Variants in PRLR observed in about 807,000 individuals in gnomAD.
PRLR encodes hPRL receptor.
A neutral mutation model predicts 40.2 loss-of-function variants in PRLR; 13 were observed. That is an observed-to-expected ratio of 0.32 (90% CI 0.21 to 0.51). The LOEUF is 0.51. PRLR is among the 20% of genes least tolerant of loss of function. The probability of loss-of-function intolerance (pLI) is 0.97; values close to 1 mark genes in which losing one functional copy is unlikely to be tolerated. For missense variants in PRLR, 656 were observed against 747.3 expected, an observed-to-expected ratio of 0.88 and a Z score of 1.42; for synonymous variants, 269 against 278.7, an observed-to-expected ratio of 0.97 and a Z score of 0.35.
At chr5:35,051,724 GAGA>G (rs1037059391), downstream of PRLR, among the ~76,000 whole-genome samples, 3 of 152,172 alleles carry the variant, frequency 2.0e-5, no homozygotes, top group East Asian at 1.9e-4. Flanking sequence ...TGCATCAAAT[GAGA>G]AGGAGAGAAC....
At chr5:35,185,151 T>C (rs1384530466) in intron 1 of PRLR, among the ~76,000 whole-genome samples, 1 of 152,254 alleles carries the variant, frequency 6.6e-6, no homozygotes, top group Admixed American at 6.5e-5. Flanking sequence ...TTGGCCCTTC[T>C]CTTCATTTCT....
intron 5 of PRLR, among the ~76,000 whole-genome samples, chr5:35,083,524 C>CTTCT (rs771209508): frequency 5.9e-5 from 8 of 136,436 alleles, no homozygotes; most frequent in African/African-American, 2.2e-4. Context: ...CTTTTCTTTT[C>CTTCT]TTTTTTTTTT....
At chr5:35,210,056 C>T (rs912859477) in intron 1 of PRLR, among the ~76,000 whole-genome samples, 1 of 152,176 alleles carries the variant, frequency 6.6e-6, no homozygotes, top group Non-Finnish European at 1.5e-5. Flanking sequence ...CAGCTTGGCT[C>T]ATACACACTG....
At chr5:35,217,508 T>C (rs1026814738) in intron 1 of PRLR, among the ~76,000 whole-genome samples, 2 of 152,218 alleles carry the variant, frequency 1.3e-5, no homozygotes, top group African/African-American at 4.8e-5. Flanking sequence ...GAGTCACTGC[T>C]ACTACTACTG....
intron 1 of PRLR, among the ~76,000 whole-genome samples, chr5:35,120,596 A>G (rs1020266841): frequency 7.9e-5 from 12 of 152,208 alleles, no homozygotes; most frequent in African/African-American, 2.9e-4. Flanking sequence ...TGGGGGAAAT[A>G]ACTCACAGAT....
chr5:35,086,380 C>A (rs763073031), intron 3 of PRLR, 40 bp from the exon 4 acceptor site: 3 of 1,606,054 alleles, frequency 1.9e-6, no homozygotes, highest in Non-Finnish European at 2.6e-6. Context: ...TATTGAGGTC[C>A]ATTTAACCAT....
chr5:35,090,791 C>CTTTTTTT (rs554800498), intron 2 of PRLR, among the ~76,000 whole-genome samples: 5 of 59,154 alleles, frequency 8.5e-5, no homozygotes, highest in African/African-American at 9.8e-5. Context: ...TCAATTAGCT[C>CTTTTTTT]TTTTTTTTTT....
chr5:35,162,418 A>G (rs987302448), intron 1 of PRLR, among the ~76,000 whole-genome samples: 2 of 152,196 alleles, frequency 1.3e-5, no homozygotes, highest in African/African-American at 2.4e-5. Context: ...TGTATTTTGT[A>G]TACTTTTTAT....
At chr5:35,093,596 T>C (rs1771356025) in intron 2 of PRLR, among the ~76,000 whole-genome samples, 1 of 152,226 alleles carries the variant, frequency 6.6e-6, no homozygotes, top group African/African-American at 2.4e-5. Flanking sequence ...CTGCCATCCC[T>C]GTTAGGCAGG....
chr5:35,221,667 C>T (rs56017179), intron 1 of PRLR, among the ~76,000 whole-genome samples: 90 of 152,278 alleles, frequency 5.9e-4, no homozygotes, highest in Admixed American at 9.8e-4. Context: ...CAGGCCCCTT[C>T]CCAGAATATT....
At chr5:35,084,743 A>G (rs1344000194) in intron 4 of PRLR, 104 bp from the exon 5 acceptor site, 13 of 1,128,990 alleles carry the variant, frequency 1.2e-5, no homozygotes, top group South Asian at 6.2e-5. Flanking sequence ...CAGAAATTCC[A>G]AGCGCAAAAC....
chr5:35,178,381 T>C (rs1402548738), intron 1 of PRLR, among the ~76,000 whole-genome samples: 1 of 152,204 alleles, frequency 6.6e-6, no homozygotes, highest in Non-Finnish European at 1.5e-5. Flanking sequence ...ACATGATTCA[T>C]AGGGACTGAA....
At chr5:35,178,267 C>T (rs1579768931) in intron 1 of PRLR, among the ~76,000 whole-genome samples, 1 of 152,192 alleles carries the variant, frequency 6.6e-6, no homozygotes, top group African/African-American at 2.4e-5. Context: ...TTTCTACACA[C>T]AGTAGATCTT....
At chr5:35,085,828 T>G (rs1770814700) in intron 4 of PRLR, among the ~76,000 whole-genome samples, 1 of 152,216 alleles carries the variant, frequency 6.6e-6, no homozygotes, top group African/African-American at 2.4e-5. Flanking sequence ...AGAGGGGATT[T>G]GAAACATTAC....
At chr5:35,197,060 A>ACACAATAT (rs1448992444) in intron 1 of PRLR, among the ~76,000 whole-genome samples, 1 of 152,216 alleles carries the variant, frequency 6.6e-6, no homozygotes, top group African/African-American at 2.4e-5. Context: ...TTTGAGGGGA[A>ACACAATAT]CACAATATTC....
chr5:35,072,623 C>G lies in PRLR; in HGVS notation c.495G>C (p.Thr165=). Residue 165 remains threonine (T), a synonymous_variant, in exon 6 of 10, where the codon ACG becomes ACC. Transcript: ENST00000618457. ...GTTTTAATCGAATTTCATACAGGAG[C>G]GTGAACCAACCAGTTTTTAAGTCAA... ...TLIDLKTGWF[T]LLYEIRLKPE... 3.1e-6 allele frequency: 5 copies of G among 1,614,118 alleles called. No individual in the cohort carries two copies. Among genetic ancestry groups the G allele is most frequent in the South Asian group, 1.1e-5 (1 of 91,074 alleles).
At chr5:35,151,830 C>T (rs1774350694) in intron 1 of PRLR, among the ~76,000 whole-genome samples, 1 of 152,170 alleles carries the variant, frequency 6.6e-6, no homozygotes, top group South Asian at 2.1e-4. Context: ...CCAGACATTA[C>T]ACAACAGACA....
rs568383471 is a variant in PRLR, at chr5:35,178,146, C to T, written c.-106+52122G>A. Among the ~76,000 whole-genome samples, 14 of 152,232 alleles carry T rather than the reference C, an allele frequency of 9.2e-5. No individual in the cohort carries two copies. In the East Asian group the frequency reaches 2.7e-3, roughly 29 times the overall value. ...AGAAATGTCTGTTCAGATCACTTTG[C>T]CCATTGTTAAACTGGGTTATCTTTT... On this transcript the variant is annotated intron_variant, in intron 1 of 9. Coordinates refer to ENST00000618457, the MANE Select transcript of PRLR (RefSeq NM_000949.7).
chr5:35,188,240 A>G (rs1775502382), intron 1 of PRLR, among the ~76,000 whole-genome samples: 1 of 152,108 alleles, frequency 6.6e-6, no homozygotes, highest in South Asian at 2.1e-4. Context: ...CTTTACCTGG[A>G]ATTCATTTTG....
Sources: allele counts gnomAD v4.1 joint callset (sites outside exome capture counted in the v4.1 genomes callset), GRCh38; gene constraint gnomAD v4.1.1; transcripts MANE v1.5; gene names NCBI Gene and HGNC (gene_info 2026-07-23, HGNC 2026-07-21).